PCDH9: variants seen among roughly 807,000 people sequenced by gnomAD.
PCDH9 encodes the protein protocadherin-9.
A neutral mutation model predicts 70.6 loss-of-function variants in PCDH9; 24 were observed. That is an observed-to-expected ratio of 0.34 (90% CI 0.25 to 0.48). The LOEUF is 0.48. Among genes scored for constraint, PCDH9 ranks in the 20% least tolerant of loss-of-function variants. The pLI is 0.99. For missense variants in PCDH9, 1,281 were observed against 1,503.6 expected, an observed-to-expected ratio of 0.85 and a Z score of 2.45; for synonymous variants, 562 against 558.5, an observed-to-expected ratio of 1.01 and a Z score of -0.09.
intron 4 of PCDH9, among the ~76,000 whole-genome samples, chr13:66,605,373 A>G (rs1482549409): frequency 2.0e-5 from 3 of 152,168 alleles, no homozygotes; most frequent in Non-Finnish European, 4.4e-5. Flanking sequence ...AGGACTACTC[A>G]TATGTGTTTC....
At chr13:66,752,199 G>GA (rs1468715856) in intron 3 of PCDH9, among the ~76,000 whole-genome samples, 14 of 152,282 alleles carry the variant, frequency 9.2e-5, no homozygotes, top group Non-Finnish European at 1.5e-4. Context: ...GTAAGAAAGA[G>GA]AAAAGAAAAG....
rs146258214 is a variant in PCDH9, at chr13:66,710,484, C to T, written c.3139-79073G>A. On this transcript the variant is annotated intron_variant, in intron 3 of 4. Coordinates refer to ENST00000377865, the MANE Select transcript of PCDH9 (RefSeq NM_203487.3). ...TTTCCAACTGGGAAGCCTTTATATC[C>T]CTCTTGAAACACCTAAAGCATATTC... Among the ~76,000 whole-genome samples, 403 of 152,188 alleles carry T rather than the reference C, an allele frequency of 2.6e-3. 1 individual carries two copies. The highest frequency in any genetic ancestry group is 6.8e-3 in the Middle Eastern group (2 of 294).
chr13:66,643,794 T>A (rs1217958890), intron 3 of PCDH9, among the ~76,000 whole-genome samples: 1 of 151,984 alleles, frequency 6.6e-6, no homozygotes, highest in Non-Finnish European at 1.5e-5. Flanking sequence ...ATATGTTTTT[T>A]GAAGATAAAA....
chr13:67,050,468 T>G (rs541915518), intron 2 of PCDH9, among the ~76,000 whole-genome samples: 1 of 152,314 alleles, frequency 6.6e-6, no homozygotes, highest in East Asian at 1.9e-4. Flanking sequence ...TAAGAAGCAC[T>G]AATAATTATG....
chr13:66,323,026 T>C (rs1955782421), intron 4 of PCDH9: 1 of 152,032 alleles, frequency 6.6e-6, no homozygotes, highest in Non-Finnish European at 1.5e-5. Context: ...ACTATTAAAA[T>C]AAGGAAGGAA....
rs368671182 is a variant in PCDH9, at chr13:67,085,546, C to T, written c.3036+139859G>A. On this transcript the variant is annotated intron_variant, in intron 2 of 4. Transcript: ENST00000377865. ...CATTGGAAATTTAATTTTGTCAATA[C>T]GCATTTCACACCAACTAGAAGGTAA... Among the ~76,000 whole-genome samples the T allele has an allele frequency of 6.6e-5, 10 of 152,198 alleles. No homozygotes were observed. The East Asian group carries it at 1.2e-3, about 18-fold the overall frequency.
chr13:66,309,012 A>G (rs770455506), intron 4 of PCDH9, among the ~76,000 whole-genome samples: 3 of 152,138 alleles, frequency 2.0e-5, no homozygotes, highest in Non-Finnish European at 4.4e-5. Flanking sequence ...AATTTGCTTT[A>G]TGCTTTAAAA....
At chr13:66,554,530 TC>T (rs1180540007) in intron 4 of PCDH9, among the ~76,000 whole-genome samples, 1 of 152,098 alleles carries the variant, frequency 6.6e-6, no homozygotes, top group Non-Finnish European at 1.5e-5. Flanking sequence ...AAATATTTTT[TC>T]TGAATTAAAG....
chr13:66,681,297 G>C (rs1361665455), intron 3 of PCDH9, among the ~76,000 whole-genome samples: 1 of 151,944 alleles, frequency 6.6e-6, no homozygotes, highest in Non-Finnish European at 1.5e-5. Context: ...GCATTATATG[G>C]TTCTAAAGTA....
At chr13:66,418,424 AATCAGGT>A (rs1957500269) in intron 4 of PCDH9, among the ~76,000 whole-genome samples, 1 of 152,170 alleles carries the variant, frequency 6.6e-6, no homozygotes, top group South Asian at 2.1e-4. Flanking sequence ...TATAGTTTGA[AATCAGGT>A]AGCATGATGC....
intron 2 of PCDH9, among the ~76,000 whole-genome samples, chr13:67,081,495 G>A (rs771248798): frequency 5.9e-5 from 9 of 152,130 alleles, no homozygotes; most frequent in Non-Finnish European, 1.2e-4. Flanking sequence ...TTGAACCCAG[G>A]AGGCAGAGGT....
chr13:66,982,580 T>C (rs1208365017), intron 2 of PCDH9, among the ~76,000 whole-genome samples: 3 of 152,188 alleles, frequency 2.0e-5, no homozygotes, highest in Non-Finnish European at 1.5e-5. Context: ...CGGGTTCTCC[T>C]GGAATGAGGA....
chr13:66,726,277 G>C (rs1038146163), intron 3 of PCDH9, among the ~76,000 whole-genome samples: 3 of 152,116 alleles, frequency 2.0e-5, no homozygotes, highest in Admixed American at 2.0e-4. Context: ...AGGAGAAAGA[G>C]TCAGAGTTGT....
chr13:66,928,637 C>T (rs1301799619), intron 2 of PCDH9, among the ~76,000 whole-genome samples: 4 of 151,994 alleles, frequency 2.6e-5, no homozygotes, highest in African/African-American at 9.7e-5. Context: ...TAATAGAGAC[C>T]TGAATGGTGC....
chr13:66,626,235 TC>T (rs1201004218), intron 4 of PCDH9, among the ~76,000 whole-genome samples: 2 of 152,158 alleles, frequency 1.3e-5, no homozygotes, highest in African/African-American at 4.8e-5. Context: ...GAGGATAGAT[TC>T]TGTGCCATGT....
At chr13:66,496,683 A>G (rs981317475) in intron 4 of PCDH9, among the ~76,000 whole-genome samples, 1 of 152,210 alleles carries the variant, frequency 6.6e-6, no homozygotes, top group Non-Finnish European at 1.5e-5. Context: ...CATAATGTCA[A>G]TAATTCCTCA....
chr13:66,539,984 C>T (rs1439456173), intron 4 of PCDH9, among the ~76,000 whole-genome samples: 1 of 149,832 alleles, frequency 6.7e-6, no homozygotes, highest in African/African-American at 2.5e-5. Flanking sequence ...ATGCTCCTAC[C>T]TTAGCCTCCT....
chr13:66,397,499 C>T (rs1053436185), intron 4 of PCDH9, among the ~76,000 whole-genome samples: 36 of 150,520 alleles, frequency 2.4e-4, no homozygotes, highest in Non-Finnish European at 4.9e-4. Flanking sequence ...TATGTATACA[C>T]ACACAAAATG....
At chr13:66,888,788 C>G (rs2139560717) in intron 3 of PCDH9, among the ~76,000 whole-genome samples, 1 of 152,228 alleles carries the variant, frequency 6.6e-6, no homozygotes, top group African/African-American at 2.4e-5. Flanking sequence ...ATCTGCCTTT[C>G]TCTACAAAGA....
Sources: allele counts gnomAD v4.1 joint callset (sites outside exome capture counted in the v4.1 genomes callset), GRCh38; gene constraint gnomAD v4.1.1; transcripts MANE v1.5; gene names NCBI Gene and HGNC (gene_info 2026-07-23, HGNC 2026-07-21).